The following NEK10 variants were observed in gnomAD, a reference collection of about 807,000 sequenced individuals.
The protein encoded by NEK10 is NIMA related kinase 10.
Under a neutral mutation model 159.8 loss-of-function variants are expected in NEK10, and 122 were observed. The observed-to-expected ratio is 0.76, with a 90% CI of 0.66 to 0.89. The LOEUF (loss-of-function observed/expected upper bound fraction) is 0.89, where lower values mean the gene tolerates loss of function less well. Ranked by LOEUF, NEK10 falls within the 40% of genes least tolerant of loss-of-function variation. The pLI is 0.00. For synonymous variants in NEK10, 466 were observed against 457.1 expected (o/e 1.02, Z -0.25); for missense variants, 1,342 against 1,323.1 (o/e 1.01, Z -0.22).
At position 27,293,518 on chromosome 3, in the gene NEK10, G is replaced by C. The variant is rs542843134; in HGVS notation, c.1373+70C>G. 3 of 747,602 alleles carry C rather than the reference G, an allele frequency of 4.0e-6. No individual in the cohort carries two copies. The South Asian group carries it at 5.7e-5, about 14-fold the overall frequency. The allele number at this position is 747,602 out of a possible 1,614,324, so 46.3% of individuals were successfully genotyped here. ...TTTCCTTCTGTTGCATCTAAGCCAA[G>C]TATGTGAAAACAGTTCAATCTAATG... On this transcript the variant is annotated intron_variant, in intron 16 of 35. Transcript: ENST00000691995.
chr3:27,186,859 G>C (rs1047078712), intron 26 of NEK10, among the ~76,000 whole-genome samples: 1 of 152,252 alleles, frequency 6.6e-6, no homozygotes, highest in Admixed American at 6.5e-5. Flanking sequence ...TTCCCCATGG[G>C]CTGTGTGTGG....
Position 27,143,460 on chromosome 3 carries a change from T to C in NEK10, c.2870-1878A>G, listed in dbSNP as rs11921667. The C allele has an allele frequency of 9.3e-4, 709 of 762,582 alleles. 3 individuals carry two copies. In the African/African-American group the frequency reaches 0.011, roughly 11 times the overall value. The allele number at this position is 762,582 out of a possible 1,614,324, so 47.2% of individuals were successfully genotyped here. ...TTGACTCTACCTTGCCACAAGAATGTGCCCATCTGTGGCCCTAAATACAAA... is the reference window on the plus strand; with the variant it reads ...TTGACTCTACCTTGCCACAAGAATGCGCCCATCTGTGGCCCTAAATACAAA... On this transcript the variant is annotated intron_variant, in intron 30 of 35. Transcript: ENST00000691995.
chr3:27,320,499 G>C (rs774796691), intron 6 of NEK10, among the ~76,000 whole-genome samples: 6 of 152,214 alleles, frequency 3.9e-5, no homozygotes, highest in Non-Finnish European at 5.9e-5. Flanking sequence ...AGTGGGAACA[G>C]TAAGCACATA....
chr3:27,273,301 T>C (rs150131662), intron 22 of NEK10, among the ~76,000 whole-genome samples: 48 of 152,278 alleles, frequency 3.2e-4, no homozygotes, highest in Non-Finnish European at 5.3e-4. Flanking sequence ...ATAAGCATCT[T>C]GGTGCCTTTC....
At chr3:27,250,208 A>AT (rs1237319522) in intron 23 of NEK10, among the ~76,000 whole-genome samples, 1 of 147,574 alleles carries the variant, frequency 6.8e-6, no homozygotes. Flanking sequence ...TTTTTTTGAG[A>AT]TGGAGTCTCT....
intron 32 of NEK10, among the ~76,000 whole-genome samples, chr3:27,121,377 T>C (rs1941282375): frequency 6.6e-6 from 1 of 152,194 alleles, no homozygotes; most frequent in Non-Finnish European, 1.5e-5. Flanking sequence ...GTGATATGGT[T>C]TGGCTGTGTC....
intron 32 of NEK10, among the ~76,000 whole-genome samples, chr3:27,120,560 C>A (rs1263839281): frequency 1.3e-5 from 2 of 151,842 alleles, no homozygotes; most frequent in African/African-American, 4.8e-5. Flanking sequence ...GAACTCCTGA[C>A]CTCAGCTGAT....
At chr3:27,196,612 C>T (rs1221637162) in intron 25 of NEK10, among the ~76,000 whole-genome samples, 1 of 152,114 alleles carries the variant, frequency 6.6e-6, no homozygotes, top group Non-Finnish European at 1.5e-5. Context: ...TATGTTAACC[C>T]CAAGAGTCCT....
intron 20 of NEK10, among the ~76,000 whole-genome samples, chr3:27,286,660 G>C (rs112557637): frequency 0.23 from 35,000 of 150,144 alleles, 4,427 homozygotes; most frequent in Middle Eastern, 0.37. Context: ...AAAATGCTAG[G>C]ATCATAGGCG....
intron 23 of NEK10, among the ~76,000 whole-genome samples, chr3:27,220,094 G>A (rs564951009): frequency 6.6e-6 from 1 of 152,260 alleles, no homozygotes; most frequent in African/African-American, 2.4e-5. Context: ...TAAATGGAAA[G>A]ACATTTTGTG....
intron 5 of NEK10, among the ~76,000 whole-genome samples, chr3:27,328,318 A>G (rs1483754480): frequency 6.6e-6 from 1 of 152,198 alleles, no homozygotes; most frequent in Admixed American, 6.5e-5. Context: ...ATAAAAATGC[A>G]TATCAGGTGG....
intron 22 of NEK10, among the ~76,000 whole-genome samples, chr3:27,257,933 A>G (rs11129275): frequency 6.6e-6 from 1 of 151,236 alleles, no homozygotes; most frequent in Admixed American, 6.6e-5. Context: ...GGACTACAGG[A>G]GCCCGCCAGC....
rs534165139 is a variant in NEK10 at position 27,111,041 on chromosome 3, T to A, written c.*231A>T. 3.1e-4 allele frequency: 112 copies of A among 362,022 alleles called. 1 individual carries two copies. The highest frequency in any genetic ancestry group is 1.9e-3 in the African/African-American group (93 of 47,852). 22.4% of individuals were successfully genotyped at this position (362,022 alleles called of 1,614,324 possible). A position where few individuals can be genotyped will look rare whatever the true frequency, so the allele number is the denominator to read the frequency against. On this transcript the variant is annotated 3_prime_UTR_variant, in exon 36 of 36. Coordinates refer to ENST00000691995, the MANE Select transcript of NEK10 (RefSeq NM_001394966.1). ...GCATTTTCTCCCAGCAGCACACTGG[T>A]AGCTCTGACATCCTGTATATAATGT...
chr3:27,199,241 ATAAGGAACT>A (rs577304723), intron 25 of NEK10, among the ~76,000 whole-genome samples: 46 of 152,298 alleles, frequency 3.0e-4, no homozygotes, highest in South Asian at 1.0e-3. Flanking sequence ...TGCAGTTTCT[ATAAGGAACT>A]TAAGCAAATT....
At chr3:27,355,364 AAGTCACT>A (rs1559553810) in intron 1 of NEK10, among the ~76,000 whole-genome samples, 1 of 152,010 alleles carries the variant, frequency 6.6e-6, no homozygotes, top group Non-Finnish European at 1.5e-5. Context: ...TAAATTCACA[AAGTCACT>A]ATATGGATGC....
intron 29 of NEK10, among the ~76,000 whole-genome samples, chr3:27,171,482 A>T (rs1946978189): frequency 6.6e-6 from 1 of 151,964 alleles, no homozygotes; most frequent in South Asian, 2.1e-4. Context: ...TACCCTGGGG[A>T]TATGGAAGAA....
At chr3:27,152,412 A>G (rs1423546249) in intron 30 of NEK10, among the ~76,000 whole-genome samples, 1 of 152,182 alleles carries the variant, frequency 6.6e-6, no homozygotes, top group Non-Finnish European at 1.5e-5. Flanking sequence ...ATATGAAGGA[A>G]AGATACAATC....
intron 25 of NEK10, chr3:27,194,777 G>T (rs1949423872): frequency 6.6e-6 from 1 of 152,060 alleles, no homozygotes; most frequent in Non-Finnish European, 1.5e-5. Flanking sequence ...GAAAAATAAG[G>T]CAATGATTTT....
At chr3:27,285,021 CTT>C in intron 20 of NEK10, 60 bp from the exon 21 acceptor site, 7 of 1,365,250 alleles carry the variant, frequency 5.1e-6, no homozygotes, top group Admixed American at 2.3e-5. Flanking sequence ...TCTTGAAAAA[CTT>C]TACGAATGAG....
Sources: gnomAD v4.1 joint callset for allele counts (sites outside exome capture counted in the v4.1 genomes callset) on GRCh38, gnomAD v4.1.1 for gene constraint, MANE v1.5 for transcripts, NCBI Gene and HGNC (gene_info 2026-07-23, HGNC 2026-07-21) for gene names.